Variants in LHFPL3 observed in about 807,000 individuals in gnomAD.
The protein encoded by LHFPL3 is LHFPL tetraspan subfamily member 3.
In LHFPL3, 5 loss-of-function variants were observed where a neutral mutation model predicts 19.3. The ratio of observed to expected loss-of-function variants is 0.26; its 90% CI spans 0.14 to 0.54. The LOEUF is 0.54. Among genes scored for constraint, LHFPL3 ranks in the 20% least tolerant of loss-of-function variants. The probability of loss-of-function intolerance (pLI) is 0.94; values close to 1 mark genes in which losing one functional copy is unlikely to be tolerated. For synonymous variants in LHFPL3, 133 were observed against 126.2 expected (o/e 1.05, Z -0.36); for missense variants, 249 against 307.4 (o/e 0.81, Z 1.42).
chr7:104,841,670 A>G (rs923751967), intron 2 of LHFPL3, among the ~76,000 whole-genome samples: 5 of 151,578 alleles, frequency 3.3e-5, no homozygotes, highest in Non-Finnish European at 7.4e-5. Context: ...CTATCTCTCT[A>G]CCTCTCTTCT....
intron 1 of LHFPL3, among the ~76,000 whole-genome samples, chr7:104,385,213 T>G (rs1339472011): frequency 6.6e-6 from 1 of 152,182 alleles, no homozygotes; most frequent in Non-Finnish European, 1.5e-5. Flanking sequence ...ATTAAACATT[T>G]GAATTTTGTA....
At chr7:104,443,175 T>A (rs1034814575) in intron 1 of LHFPL3, among the ~76,000 whole-genome samples, 1 of 152,198 alleles carries the variant, frequency 6.6e-6, no homozygotes, top group Non-Finnish European at 1.5e-5. Flanking sequence ...CTTGTACAGC[T>A]ACTGAAGGGA....
intron 2 of LHFPL3, 98 bp from the exon 3 acceptor site, chr7:104,906,089 C>T (rs1031314599): frequency 6.1e-6 from 7 of 1,146,262 alleles, no homozygotes; most frequent in Middle Eastern, 2.0e-4. Flanking sequence ...ATAGTTTTTC[C>T]GTGACAAATA....
intron 1 of LHFPL3, among the ~76,000 whole-genome samples, chr7:104,394,819 G>C (rs1159748027): frequency 6.6e-6 from 1 of 151,856 alleles, no homozygotes; most frequent in Admixed American, 6.6e-5. Flanking sequence ...TCCTGCCTCA[G>C]CCTCCCGAGT....
chr7:104,556,365 G>A (rs1471493559), intron 1 of LHFPL3, among the ~76,000 whole-genome samples: 1 of 152,148 alleles, frequency 6.6e-6, no homozygotes, highest in Non-Finnish European at 1.5e-5. Context: ...TCTAGGCAGA[G>A]GTTCCCAAAC....
At chr7:104,364,203 A>G (rs939490816) in intron 1 of LHFPL3, among the ~76,000 whole-genome samples, 2 of 152,204 alleles carry the variant, frequency 1.3e-5, no homozygotes, top group Non-Finnish European at 2.9e-5. Context: ...TTTCCTCTTG[A>G]ATGTGTAATA....
At chr7:104,402,028 C>CCT (rs1791323212) in intron 1 of LHFPL3, among the ~76,000 whole-genome samples, 1 of 150,224 alleles carries the variant, frequency 6.7e-6, no homozygotes, top group African/African-American at 2.5e-5. Flanking sequence ...AACACTGAGA[C>CCT]AGAAGAGGAA....
intron 1 of LHFPL3, among the ~76,000 whole-genome samples, chr7:104,620,674 G>A (rs937615052): frequency 6.6e-6 from 1 of 152,152 alleles, no homozygotes; most frequent in Non-Finnish European, 1.5e-5. Context: ...TCCCCCCAGT[G>A]ATTTCCACTT....
intron 1 of LHFPL3, among the ~76,000 whole-genome samples, chr7:104,450,477 A>G (rs1792412285): frequency 6.6e-6 from 1 of 152,216 alleles, no homozygotes; most frequent in Non-Finnish European, 1.5e-5. Flanking sequence ...ACAAGAACAG[A>G]AAACAAAACA....
chr7:104,757,119 A>C (rs1042875710), intron 2 of LHFPL3, among the ~76,000 whole-genome samples: 1 of 152,204 alleles, frequency 6.6e-6, no homozygotes, highest in Non-Finnish European at 1.5e-5. Flanking sequence ...ATGACTCCCT[A>C]TTTAATAAAT....
At chr7:104,805,786 C>T (rs1411395695) in intron 2 of LHFPL3, among the ~76,000 whole-genome samples, 3 of 152,186 alleles carry the variant, frequency 2.0e-5, no homozygotes, top group Non-Finnish European at 4.4e-5. Context: ...TTATCCCAAA[C>T]CCCTCTCTTC....
At chr7:104,575,456 T>C (rs1011633317) in intron 1 of LHFPL3, among the ~76,000 whole-genome samples, 2 of 150,624 alleles carry the variant, frequency 1.3e-5, no homozygotes, top group African/African-American at 4.9e-5. Context: ...ACCATAAAAT[T>C]CACTAAAAGT....
intron 1 of LHFPL3, among the ~76,000 whole-genome samples, chr7:104,588,205 G>A (rs1790625716): frequency 1.3e-5 from 2 of 152,114 alleles, no homozygotes; most frequent in Non-Finnish European, 1.5e-5. Flanking sequence ...CCTATGTCCT[G>A]AATGGTATTG....
chr7:104,493,571 A>C (rs1184720816), intron 1 of LHFPL3, among the ~76,000 whole-genome samples: 1 of 152,070 alleles, frequency 6.6e-6, no homozygotes, highest in Non-Finnish European at 1.5e-5. Context: ...CTCTCCTGCT[A>C]TATTGCTGGG....
chr7:104,857,159 T>G (rs1184763530), intron 2 of LHFPL3, among the ~76,000 whole-genome samples: 1 of 152,220 alleles, frequency 6.6e-6, no homozygotes, highest in Non-Finnish European at 1.5e-5. Context: ...AGTGAGCCTA[T>G]TTGACTAGTA....
chr7:104,503,118 A>G (rs143210977), intron 1 of LHFPL3, among the ~76,000 whole-genome samples: 108 of 152,090 alleles, frequency 7.1e-4, no homozygotes, highest in African/African-American at 2.5e-3. Context: ...AAAAAAAAAA[A>G]CTAGTAACAA....
chr7:104,667,267 G>GGGC (rs1792374153), intron 1 of LHFPL3, among the ~76,000 whole-genome samples: 1 of 143,146 alleles, frequency 7.0e-6, no homozygotes, highest in Non-Finnish European at 1.5e-5. Context: ...GTTTTCTTGG[G>GGGC]GGGGGGAATC....
At chr7:104,647,605 T>G (rs1791955580) in intron 1 of LHFPL3, among the ~76,000 whole-genome samples, 1 of 152,258 alleles carries the variant, frequency 6.6e-6, no homozygotes, top group Non-Finnish European at 1.5e-5. Flanking sequence ...TAGCAGCACA[T>G]TCAACCATAG....
At chr7:104,746,083 G>C (rs113772241) in intron 2 of LHFPL3, among the ~76,000 whole-genome samples, 2,422 of 152,258 alleles carry the variant, frequency 0.016, 36 homozygotes, top group Non-Finnish European at 0.023. Context: ...GGCCAAGGCA[G>C]ATGGGTCACT....
Sources: allele counts gnomAD v4.1 joint callset (sites outside exome capture counted in the v4.1 genomes callset), GRCh38; gene constraint gnomAD v4.1.1; transcripts MANE v1.5; gene names NCBI Gene and HGNC (gene_info 2026-07-23, HGNC 2026-07-21).